SORCS2: variants seen among roughly 807,000 people sequenced by gnomAD.
The protein encoded by SORCS2 is VPS10 domain-containing receptor SorCS2.
Under a neutral mutation model 141.6 loss-of-function variants are expected in SORCS2, and 100 were observed. That is an observed-to-expected ratio of 0.71 (90% CI 0.60 to 0.83). The LOEUF (loss-of-function observed/expected upper bound fraction) is 0.83, where lower values mean the gene tolerates loss of function less well. Among genes scored for constraint, SORCS2 ranks in the 40% least tolerant of loss-of-function variants. SORCS2 has a pLI of 0.00. For missense variants in SORCS2, 1,646 were observed against 1,560.2 expected, an observed-to-expected ratio of 1.05 and a Z score of -0.93; for synonymous variants, 789 against 676.9, an observed-to-expected ratio of 1.17 and a Z score of -2.57.
intron 1 of SORCS2, among the ~76,000 whole-genome samples, chr4:7,394,773 G>T (rs1159587260): frequency 7.9e-5 from 12 of 152,034 alleles, no homozygotes; most frequent in African/African-American, 2.4e-4. Context: ...AGAAAGGCAG[G>T]GTGCCCTCCA....
At chr4:7,550,336 G>T (rs1275628039) in intron 3 of SORCS2, among the ~76,000 whole-genome samples, 1 of 152,114 alleles carries the variant, frequency 6.6e-6, no homozygotes, top group African/African-American at 2.4e-5. Flanking sequence ...CTCCCGCTGG[G>T]GGCCATCTGC....
At chr4:7,724,304 A>ATGGTGG (rs201900230) in intron 19 of SORCS2, among the ~76,000 whole-genome samples, 3 of 125,542 alleles carry the variant, frequency 2.4e-5, no homozygotes, top group African/African-American at 6.9e-5. Context: ...AATGGTGACA[A>ATGGTGG]TGGTGGTGGT....
chr4:7,460,805 C>G (rs975023578), intron 2 of SORCS2, among the ~76,000 whole-genome samples: 1 of 152,184 alleles, frequency 6.6e-6, no homozygotes, highest in African/African-American at 2.4e-5. Context: ...CTCGATGTTG[C>G]ATTTTCACAT....
At position 7,286,599 on chromosome 4, in the gene SORCS2, C is replaced by T. The variant is rs1356010983; in HGVS notation, c.480+93473C>T. On this transcript the variant is annotated intron_variant, in intron 1 of 26. Transcript: ENST00000507866. This position sits in a 1 kb window ranked among gnomAD's most constrained non-coding sequence, Gnocchi z 4.1. ...GTCCCATTCGGTCCCAGGCCAGCCC[C>T]CCGTATCTTACGGATGGAGGACACA... 6.6e-6 allele frequency among the ~76,000 whole-genome samples: 1 copy of T among 152,174 alleles called. No individual in the cohort carries two copies. Among genetic ancestry groups the T allele is most frequent in the Non-Finnish European group, 1.5e-5 (1 of 68,036 alleles).
intron 1 of SORCS2, among the ~76,000 whole-genome samples, chr4:7,394,987 C>T (rs138617425): frequency 2.0e-5 from 3 of 152,276 alleles, no homozygotes; most frequent in East Asian, 3.9e-4. Flanking sequence ...GGTTAAAGTC[C>T]ACACCCTGTC....
At chr4:7,417,307 A>C (rs1289029046) in intron 2 of SORCS2, among the ~76,000 whole-genome samples, 3 of 152,148 alleles carry the variant, frequency 2.0e-5, no homozygotes, top group Non-Finnish European at 4.4e-5. Flanking sequence ...AGGAAGCCCA[A>C]GTCCTGCCTT....
At chr4:7,377,146 G>A (rs934838886) in intron 1 of SORCS2, among the ~76,000 whole-genome samples, 4 of 152,106 alleles carry the variant, frequency 2.6e-5, no homozygotes, top group African/African-American at 7.2e-5. Flanking sequence ...TGTACCATGG[G>A]TATTTTCTCA....
chr4:7,701,537 C>T (rs554768429), intron 12 of SORCS2, among the ~76,000 whole-genome samples: 224 of 152,278 alleles, frequency 1.5e-3, no homozygotes, highest in African/African-American at 5.2e-3. Context: ...GCCCCTCCTT[C>T]GGGGCCCTGA....
chr4:7,605,923 C>T (rs1718030926), intron 3 of SORCS2, among the ~76,000 whole-genome samples: 1 of 152,156 alleles, frequency 6.6e-6, no homozygotes, highest in African/African-American at 2.4e-5. Context: ...GTGGTGGTCT[C>T]TGTGGAGGTG....
intron 1 of SORCS2, among the ~76,000 whole-genome samples, chr4:7,219,078 A>G (rs1728544860): frequency 6.6e-6 from 1 of 151,978 alleles, no homozygotes; most frequent in Non-Finnish European, 1.5e-5. Context: ...TTTGGGGACC[A>G]CTATGTCTTT....
intron 2 of SORCS2, among the ~76,000 whole-genome samples, chr4:7,472,079 G>A (rs1338765879): frequency 6.6e-6 from 1 of 152,224 alleles, no homozygotes; most frequent in African/African-American, 2.4e-5. Flanking sequence ...TGCACTGGGG[G>A]GCTGTGACCA....
intron 1 of SORCS2, among the ~76,000 whole-genome samples, chr4:7,357,053 C>G (rs1278057018): frequency 6.6e-6 from 1 of 152,186 alleles, no homozygotes; most frequent in Non-Finnish European, 1.5e-5. Context: ...GGGGCTGGAG[C>G]TGGACTTGCA....
At chr4:7,650,309 G>T (rs1170769337) in intron 4 of SORCS2, among the ~76,000 whole-genome samples, 1 of 152,202 alleles carries the variant, frequency 6.6e-6, no homozygotes, top group Non-Finnish European at 1.5e-5. Context: ...GCTGGTGCTC[G>T]CACCTGGAGC....
At chr4:7,638,197 G>T in intron 3 of SORCS2, 131 bp from the exon 4 acceptor site, 1 of 1,167,492 alleles carries the variant, frequency 8.6e-7, no homozygotes, top group Non-Finnish European at 1.2e-6. Flanking sequence ...AGGCACACCC[G>T]GCCCAGGCCT....
chr4:7,422,909 C>T lies in SORCS2; in HGVS notation c.548+26554C>T, dbSNP rs553918842. ...TCCATGCAGCCTCCAGGGCACCCCGCGGGGATCCGCAGACCACGGCCCCTC... is the reference window on the plus strand; with the variant it reads ...TCCATGCAGCCTCCAGGGCACCCCGTGGGGATCCGCAGACCACGGCCCCTC... On this transcript the variant is annotated intron_variant, in intron 2 of 26. Coordinates refer to ENST00000507866, the MANE Select transcript of SORCS2 (RefSeq NM_020777.3). Among the ~76,000 whole-genome samples the T allele has an allele frequency of 6.6e-5, 10 of 152,208 alleles. 1 individual carries two copies. Among genetic ancestry groups the T allele is most frequent in the East Asian group, 5.8e-4 (3 of 5,190 alleles).
intron 3 of SORCS2, among the ~76,000 whole-genome samples, chr4:7,617,087 G>T (rs532482756): frequency 6.6e-6 from 1 of 152,184 alleles, no homozygotes; most frequent in African/African-American, 2.4e-5. Flanking sequence ...AGTCCAAATT[G>T]TGGCCAGGCC....
chr4:7,647,696 G>A (rs1384130242), intron 4 of SORCS2, among the ~76,000 whole-genome samples: 1 of 152,174 alleles, frequency 6.6e-6, no homozygotes, highest in Non-Finnish European at 1.5e-5. Context: ...AGGAGGGCAG[G>A]GGGGTCGCCA....
intron 2 of SORCS2, among the ~76,000 whole-genome samples, chr4:7,500,867 C>T (rs7665773): frequency 0.053 from 8,046 of 152,240 alleles, 563 homozygotes; most frequent in African/African-American, 0.16. Flanking sequence ...AGCCAGCCTG[C>T]GGGCAGCCCC....
At chr4:7,494,711 G>C (rs1164167953) in intron 2 of SORCS2, among the ~76,000 whole-genome samples, 1 of 152,218 alleles carries the variant, frequency 6.6e-6, no homozygotes, top group Non-Finnish European at 1.5e-5. Context: ...ATGAAACAGG[G>C]AACAGCTTTG....
Sources: allele counts gnomAD v4.1 joint callset (sites outside exome capture counted in the v4.1 genomes callset), GRCh38; gene constraint gnomAD v4.1.1; non-coding constraint Gnocchi (gnomAD v3.1); transcripts MANE v1.5; gene names NCBI Gene and HGNC (gene_info 2026-07-23, HGNC 2026-07-21).